Variants in SIPA1L1 observed in about 807,000 individuals in gnomAD.
The protein encoded by SIPA1L1 is signal-induced proliferation-associated 1-like protein 1.
In SIPA1L1, 26 loss-of-function variants were observed where a neutral mutation model predicts 162.7. The observed-to-expected ratio is 0.16, with a 90% CI of 0.12 to 0.22. SIPA1L1 has a LOEUF of 0.22. Ranked by LOEUF, SIPA1L1 falls within the 10% of genes least tolerant of loss-of-function variation. The pLI, the probability that SIPA1L1 is intolerant of heterozygous loss-of-function variation, is 1.00. For synonymous variants in SIPA1L1, 829 were observed against 837.4 expected, an observed-to-expected ratio of 0.99 and a Z score of 0.17; for missense variants, 1,874 against 2,241.0, an observed-to-expected ratio of 0.84 and a Z score of 3.31.
At chr14:71,508,211 T>G (rs184219773) in intron 2 of SIPA1L1, among the ~76,000 whole-genome samples, 1 of 152,338 alleles carries the variant, frequency 6.6e-6, no homozygotes, top group East Asian at 1.9e-4. Flanking sequence ...AAAAATGGAA[T>G]TGAATTTCTG....
intron 2 of SIPA1L1, among the ~76,000 whole-genome samples, chr14:71,324,029 G>A (rs960099078): frequency 5.3e-5 from 8 of 152,132 alleles, no homozygotes; most frequent in Non-Finnish European, 2.9e-5. Flanking sequence ...TGCCATTTTC[G>A]TTGTGAGATA....
At chr14:71,369,837 T>C (rs1375509801) in intron 2 of SIPA1L1, among the ~76,000 whole-genome samples, 1 of 149,424 alleles carries the variant, frequency 6.7e-6, no homozygotes, top group Admixed American at 6.9e-5. Context: ...TTTTATTTCA[T>C]TGAGCAGTGG....
intron 4 of SIPA1L1, among the ~76,000 whole-genome samples, chr14:71,561,014 A>T (rs2056744577): frequency 6.6e-6 from 1 of 152,218 alleles, no homozygotes; most frequent in Non-Finnish European, 1.5e-5. Flanking sequence ...AACACTCTAA[A>T]ATTGAAATTT....
At chr14:71,577,670 C>A (rs1459900957) in intron 4 of SIPA1L1, among the ~76,000 whole-genome samples, 1 of 151,190 alleles carries the variant, frequency 6.6e-6, no homozygotes, top group Non-Finnish European at 1.5e-5. Context: ...TGAGCCATTG[C>A]GCCCAGCTGC....
At chr14:71,728,477 T>G (rs899817925) in intron 19 of SIPA1L1, among the ~76,000 whole-genome samples, 1 of 152,256 alleles carries the variant, frequency 6.6e-6, no homozygotes, top group African/African-American at 2.4e-5. Flanking sequence ...GGTCACATCT[T>G]GGGTGTATTC....
chr14:71,728,612 ACTGTATTT>A (rs1177200262), intron 19 of SIPA1L1, among the ~76,000 whole-genome samples: 1 of 152,214 alleles, frequency 6.6e-6, no homozygotes, highest in East Asian at 1.9e-4. Flanking sequence ...CTGTGTATCC[ACTGTATTT>A]CTGGGTCTGT....
intron 2 of SIPA1L1, among the ~76,000 whole-genome samples, chr14:71,488,085 A>T (rs912445572): frequency 6.6e-6 from 1 of 152,178 alleles, no homozygotes; most frequent in Non-Finnish European, 1.5e-5. Flanking sequence ...GATTGTTCAG[A>T]TATCTAGAAA....
intron 2 of SIPA1L1, among the ~76,000 whole-genome samples, chr14:71,511,165 C>T (rs557419212): frequency 6.9e-4 from 105 of 152,270 alleles, no homozygotes; most frequent in African/African-American, 2.4e-3. Flanking sequence ...CAGTGTTTCC[C>T]ATGTTGCCTA....
intron 4 of SIPA1L1, among the ~76,000 whole-genome samples, chr14:71,543,935 G>GTGTATATATACATATACGCACATGTA (rs1567179130): frequency 2.2e-5 from 3 of 138,166 alleles, no homozygotes; most frequent in Non-Finnish European, 4.7e-5. Flanking sequence ...ACGTATATGT[G>GTGTATATATACATATACGCACATGTA]TGTATATATA....
At chr14:71,625,122 T>C (rs2039837827) in intron 7 of SIPA1L1, among the ~76,000 whole-genome samples, 1 of 152,092 alleles carries the variant, frequency 6.6e-6, no homozygotes, top group East Asian at 1.9e-4. Flanking sequence ...CACAGAAGGG[T>C]CCAGCTATTG....
rs781027328 is a variant in SIPA1L1, at chr14:71,618,800, G to A, written c.1542G>A (p.Val514=). 1 of 1,613,952 alleles carries A rather than the reference G, an allele frequency of 6.2e-7. No individual in the cohort carries two copies. The highest frequency in any genetic ancestry group is 1.1e-5 in the South Asian group (1 of 91,064). Reference sequence around the variant, plus strand: ...GGGCTGATGAGAATCTTGGTCCAGTGGCTGTGAGCATTCGAAGGGAAAAAC... The same window carrying A: ...GGGCTGATGAGAATCTTGGTCCAGTAGCTGTGAGCATTCGAAGGGAAAAAC... The part of the protein sequence containing the change: ...YFGADENLGP[V]AVSIRREKPD... The change falls in exon 6 of 24, where the codon GTG becomes GTA. Residue 514 remains valine (V), a synonymous_variant. Transcript: ENST00000381232.
intron 1 of SIPA1L1, among the ~76,000 whole-genome samples, 190 bp from the exon 2 acceptor site, chr14:71,320,932 C>T (rs1322867629): frequency 6.6e-6 from 1 of 151,996 alleles, no homozygotes; most frequent in Admixed American, 6.5e-5. Flanking sequence ...CCGCCGGCCC[C>T]CCGCCAGCCT....
intron 2 of SIPA1L1, among the ~76,000 whole-genome samples, chr14:71,454,820 G>A (rs2046073594): frequency 6.6e-6 from 1 of 152,172 alleles, no homozygotes; most frequent in Non-Finnish European, 1.5e-5. Context: ...CATGAGATGG[G>A]CCCTATAAGC....
intron 4 of SIPA1L1, among the ~76,000 whole-genome samples, chr14:71,561,747 C>T (rs1013002905): frequency 2.0e-5 from 3 of 152,172 alleles, no homozygotes; most frequent in African/African-American, 7.2e-5. Flanking sequence ...GCCACCACGC[C>T]CAGCTAATTT....
intron 4 of SIPA1L1, among the ~76,000 whole-genome samples, chr14:71,550,538 C>A (rs1334848095): frequency 6.6e-6 from 1 of 151,808 alleles, no homozygotes; most frequent in African/African-American, 2.4e-5. Context: ...TGATGGAGAA[C>A]CAGACTGAGG....
chr14:71,678,532 AT>A (rs1409385513), intron 12 of SIPA1L1, among the ~76,000 whole-genome samples: 5 of 152,154 alleles, frequency 3.3e-5, no homozygotes, highest in Non-Finnish European at 2.9e-5. Context: ...GTGCTGCTGG[AT>A]TCGGTTTGCC....
intron 2 of SIPA1L1, among the ~76,000 whole-genome samples, chr14:71,322,547 A>G (rs1286523644): frequency 2.0e-5 from 3 of 152,228 alleles, no homozygotes; most frequent in African/African-American, 4.8e-5. Context: ...GTGTCCAACT[A>G]TTAGATGACA....
At chr14:71,623,913 C>A in intron 6 of SIPA1L1, 135 bp from the exon 7 acceptor site, 1 of 640,654 alleles carries the variant, frequency 1.6e-6, no homozygotes, top group Non-Finnish European at 2.6e-6. Flanking sequence ...TTCTTTCTCC[C>A]TCACTGGCTT....
chr14:71,620,556 C>T (rs2039326037), intron 6 of SIPA1L1, among the ~76,000 whole-genome samples: 1 of 152,082 alleles, frequency 6.6e-6, no homozygotes, highest in Admixed American at 6.6e-5. Flanking sequence ...TCCTTCATGC[C>T]AGAGGTTAAA....
Sources: gnomAD v4.1 joint callset for allele counts (sites outside exome capture counted in the v4.1 genomes callset) on GRCh38, gnomAD v4.1.1 for gene constraint, MANE v1.5 for transcripts, NCBI Gene and HGNC (gene_info 2026-07-23, HGNC 2026-07-21) for gene names.